Variants in NKX6-1 observed in about 807,000 individuals in gnomAD.
NKX6-1 encodes homeobox protein Nkx-6.1.
A neutral mutation model predicts 24.9 loss-of-function variants in NKX6-1; 11 were observed. The observed-to-expected ratio is 0.44, with a 90% CI of 0.28 to 0.73. NKX6-1 has a LOEUF of 0.73. Ranked by LOEUF, NKX6-1 falls within the 30% of genes least tolerant of loss-of-function variation. The pLI is 0.15. For missense variants in NKX6-1, 487 were observed against 502.9 expected, an observed-to-expected ratio of 0.97 and a Z score of 0.30; for synonymous variants, 277 against 242.9, an observed-to-expected ratio of 1.14 and a Z score of -1.31.
At chr4:84,495,988 G>T in intron 1 of NKX6-1, 144 bp from the exon 2 acceptor site, 1 of 770,966 alleles carries the variant, frequency 1.3e-6, no homozygotes. Context: ...GTGTAGTGGC[G>T]CTTCCAGACT....
In NKX6-1 at chr4:84,495,859, AAAC is replaced by A. The variant is rs776416648; in HGVS notation, c.671-18_671-16del. 6 of 1,613,128 alleles carry A rather than the reference AAAC, an allele frequency of 3.7e-6. No individual in the cohort carries two copies. Among genetic ancestry groups the A allele is most frequent in the African/African-American group, 1.3e-5 (1 of 74,896 alleles). ...GGATCCTTGATCTGTGAGAACCAATAAACAACGAGAGAGGGGGAAAAACAATCG... is the reference window on the plus strand; with the variant it reads ...GGATCCTTGATCTGTGAGAACCAATAAACGAGAGAGGGGGAAAAACAATCG... On this transcript the variant is annotated splice_polypyrimidine_tract_variant and intron_variant, in intron 1 of 2. Coordinates refer to ENST00000295886, the MANE Select transcript of NKX6-1 (RefSeq NM_006168.3).
At position 84,493,566 on chromosome 4, in the gene NKX6-1, G is replaced by A. The variant is rs746272011; in HGVS notation, c.844-17C>T. The A allele has an allele frequency of 1.3e-5, 21 of 1,613,098 alleles. No individual in the cohort carries two copies. The highest frequency in any genetic ancestry group is 1.6e-5 in the Non-Finnish European group (19 of 1,179,394). ...GAACCAGACCTGAGGGCGGAGAAAA[G>A]GGAGGAGAGGGGAGGCAAGGGCGAG... On this transcript the variant is annotated splice_polypyrimidine_tract_variant and intron_variant, in intron 2 of 2. Transcript: ENST00000295886. This position sits in a 1 kb window ranked among gnomAD's most constrained non-coding sequence, Gnocchi z 5.1.
chr4:84,495,828 C>T lies in NKX6-1; in HGVS notation c.687G>A (p.Leu229=). 6.2e-7 allele frequency: 1 copy of T among 1,614,032 alleles called. No homozygotes were observed. Among genetic ancestry groups the T allele is most frequent in the Non-Finnish European group, 8.5e-7 (1 of 1,179,980 alleles). ...GTTTTCTCTTCCCGTCTTTGTCCAA[C>T]AAAATGGATCCTTGATCTGTGAGAA... ...LACTPHQGSI[L]LDKDGKRKHT... Residue 229 remains leucine, a synonymous_variant, in exon 2 of 3, where the codon TTG becomes TTA. Coordinates refer to ENST00000295886, the MANE Select transcript of NKX6-1 (RefSeq NM_006168.3).
chr4:84,495,011 ATTG>A (rs2109986582), intron 2 of NKX6-1, among the ~76,000 whole-genome samples: 1 of 152,350 alleles, frequency 6.6e-6, no homozygotes, highest in African/African-American at 2.4e-5. Flanking sequence ...TTAATTATAA[ATTG>A]TTGTCATGAA....
Position 84,493,091 on chromosome 4 carries a change from C to T in NKX6-1, c.*198G>A, listed in dbSNP as rs991835712. 1.2e-5 allele frequency: 5 copies of T among 431,500 alleles called. No individual in the cohort carries two copies. The highest frequency in any genetic ancestry group is 2.0e-5 in the Non-Finnish European group (5 of 255,752). 26.7% of individuals were successfully genotyped at this position (431,500 alleles called of 1,614,324 possible). On this transcript the variant is annotated 3_prime_UTR_variant, in exon 3 of 3. Coordinates refer to ENST00000295886, the MANE Select transcript of NKX6-1 (RefSeq NM_006168.3). The surrounding 1 kb of genome is among the most constrained non-coding windows in gnomAD (Gnocchi z 5.1). ...GCCTTATCAACCCCGGAGTCTCTCT[C>T]CCCTACATCCCCTCCCACAACTTCA...
Position 84,493,583 on chromosome 4 carries a change from A to G in NKX6-1, c.844-34T>C. ...GGAGAAAAGGGAGGAGAGGGGAGGC[A>G]AGGGCGAGGAATTAAACGAGCAGAT... On this transcript the variant is annotated intron_variant, in intron 2 of 2. Transcript: ENST00000295886. This position sits in a 1 kb window ranked among gnomAD's most constrained non-coding sequence, Gnocchi z 5.1. The G allele has an allele frequency of 1.2e-6, 2 of 1,611,810 alleles. No homozygotes were observed. Among genetic ancestry groups the G allele is most frequent in the Non-Finnish European group, 1.7e-6 (2 of 1,178,528 alleles).
chr4:84,495,645 C>G (rs779378555), intron 2 of NKX6-1, 27 bp downstream of exon 2: 1 of 1,602,422 alleles, frequency 6.2e-7, no homozygotes, highest in Non-Finnish European at 8.5e-7. Flanking sequence ...CGGTACCTAT[C>G]CCTCCAGGTA....
chr4:84,493,076 C>T lies in NKX6-1; in HGVS notation c.*213G>A. 1 of 397,464 alleles carries T rather than the reference C, an allele frequency of 2.5e-6. No individual in the cohort carries two copies. The highest frequency in any genetic ancestry group is 4.1e-5 in the East Asian group (1 of 24,640). 24.6% of individuals were successfully genotyped at this position (397,464 alleles called of 1,614,324 possible). ...TTGGTGGTCTTTCTTGCCTTATCAA[C>T]CCCGGAGTCTCTCTCCCCTACATCC... On this transcript the variant is annotated 3_prime_UTR_variant, in exon 3 of 3. Transcript: ENST00000295886. The surrounding 1 kb of genome is among the most constrained non-coding windows in gnomAD (Gnocchi z 5.1).
At position 84,497,541 on chromosome 4, in the gene NKX6-1, G is replaced by C; in HGVS notation, c.670+18C>G. ...AGGCACGGCAGGCAGGCATCGGGGC[G>C]CGGGTGGTAGTACTCACGAGGGGTA... On this transcript the variant is annotated intron_variant, in intron 1 of 2. Coordinates refer to ENST00000295886, the MANE Select transcript of NKX6-1 (RefSeq NM_006168.3). The surrounding 1 kb of genome is among the most constrained non-coding windows in gnomAD (Gnocchi z 4.8). The C allele has an allele frequency of 8.0e-7, 1 of 1,254,064 alleles. No individual in the cohort carries two copies. The highest frequency in any genetic ancestry group is 3.9e-5 in the South Asian group (1 of 25,416). The allele number at this position is 1,254,064 out of a possible 1,614,324, so 77.7% of individuals were successfully genotyped here.
chr4:84,495,134 G>T (rs1474856710), intron 2 of NKX6-1, among the ~76,000 whole-genome samples: 1 of 152,184 alleles, frequency 6.6e-6, no homozygotes, highest in South Asian at 2.1e-4. Context: ...CAAAGCGATT[G>T]CCTTAAGCTA....
rs886602731 is a variant in NKX6-1, at chr4:84,493,592, G to A, written c.844-43C>T. On this transcript the variant is annotated intron_variant, in intron 2 of 2. Transcript: ENST00000295886. The surrounding 1 kb of genome is among the most constrained non-coding windows in gnomAD (Gnocchi z 5.1). ...GGAGGAGAGGGGAGGCAAGGGCGAG[G>A]AATTAAACGAGCAGATCCAGGCCAT... is the stretch of plus-strand genomic sequence containing the variant. 40 of 1,608,958 alleles carry A rather than the reference G, an allele frequency of 2.5e-5. No homozygotes were observed. Among genetic ancestry groups the A allele is most frequent in the Non-Finnish European group, 3.2e-5 (38 of 1,177,026 alleles).
chr4:84,496,049 G>C (rs1017317390), intron 1 of NKX6-1, among the ~76,000 whole-genome samples: 1 of 152,022 alleles, frequency 6.6e-6, no homozygotes, highest in Non-Finnish European at 1.5e-5. Context: ...TTTAAAAGCC[G>C]CGTGTTTGGC....
rs1720839253 is a variant in NKX6-1 at position 84,497,330 on chromosome 4, C to G, written c.670+229G>C. On this transcript the variant is annotated intron_variant, in intron 1 of 2. Coordinates refer to ENST00000295886, the MANE Select transcript of NKX6-1 (RefSeq NM_006168.3). The surrounding 1 kb of genome is among the most constrained non-coding windows in gnomAD (Gnocchi z 4.8). Reference sequence around the variant, plus strand: ...CACACCGGCTCAGCCCAGGCGTACTCAAGACTTAGAGAGAGGGAGGCGCTT... The same window carrying G: ...CACACCGGCTCAGCCCAGGCGTACTGAAGACTTAGAGAGAGGGAGGCGCTT... Among the ~76,000 whole-genome samples the G allele has an allele frequency of 6.6e-6, 1 of 152,170 alleles. No homozygotes were observed. Among genetic ancestry groups the G allele is most frequent in the Non-Finnish European group, 1.5e-5 (1 of 68,032 alleles).
At chr4:84,495,500 T>G (rs1019412860) in intron 2 of NKX6-1, among the ~76,000 whole-genome samples, 172 bp downstream of exon 2, 1 of 152,240 alleles carries the variant, frequency 6.6e-6, no homozygotes, top group Non-Finnish European at 1.5e-5. Flanking sequence ...AGCGCCTTTG[T>G]AGTCCCCACC....
Position 84,498,098 on chromosome 4 carries a change from G to T in NKX6-1, c.131C>A (p.Pro44His), listed in dbSNP as rs1328630159. Residue 44 changes from proline to histidine, a missense_variant, in exon 1 of 3, where the codon CCT (proline) becomes CAT (histidine). Coordinates refer to ENST00000295886, the MANE Select transcript of NKX6-1 (RefSeq NM_006168.3). The part of the protein sequence containing the change: ...PLYPAAYPPL[P>H]AGPPSSSSSS... Reference sequence around the variant, plus strand: ...GGACGAGGAGGAGGGGGGGCCGGCAGGCAGCGGGGGATACGCGGCAGGGTA... The same window carrying T: ...GGACGAGGAGGAGGGGGGGCCGGCATGCAGCGGGGGATACGCGGCAGGGTA... 2.4e-6 allele frequency: 3 copies of T among 1,267,970 alleles called. No homozygotes were observed. Among genetic ancestry groups the T allele is most frequent in the South Asian group, 3.4e-5 (1 of 29,012 alleles). The allele number at this position is 1,267,970 out of a possible 1,614,324, so 78.5% of individuals were successfully genotyped here.
At position 84,497,495 on chromosome 4, in the gene NKX6-1, C is replaced by T; in HGVS notation, c.670+64G>A. 8.0e-7 allele frequency: 1 copy of T among 1,249,256 alleles called. No individual in the cohort carries two copies. Among genetic ancestry groups the T allele is most frequent in the African/African-American group, 1.5e-5 (1 of 64,560 alleles). The allele number at this position is 1,249,256 out of a possible 1,614,324, so 77.4% of individuals were successfully genotyped here. ...TGAGCGGCATGCACACCAGGGGCCG[C>T]GACCCGGGAGTGGGCAGAACAGGCA... On this transcript the variant is annotated intron_variant, in intron 1 of 2. Transcript: ENST00000295886. The surrounding 1 kb of genome is among the most constrained non-coding windows in gnomAD (Gnocchi z 4.8).
chr4:84,496,615 C>A (rs1578468697), intron 1 of NKX6-1: 3 of 152,392 alleles, frequency 2.0e-5, no homozygotes, highest in Admixed American at 2.0e-4. Flanking sequence ...GAAAAGGACC[C>A]CAGGCTGGGC....
Position 84,497,891 on chromosome 4 carries a change from G to GC in NKX6-1, c.337dup (p.Ala113GlyfsTer52). The stretch of plus-strand genomic sequence containing the variant: ...GGAGGGCGAGGCGGAGGGCAGGGCG[G>GC]CCCCCGAGGCCACGGGCATGGAGGG... On this transcript the variant is annotated frameshift_variant, in exon 1 of 3. Transcript: ENST00000295886. LOFTEE classifies it high-confidence loss of function. The surrounding 1 kb of genome is among the most constrained non-coding windows in gnomAD (Gnocchi z 4.8). 7.8e-7 allele frequency: 1 copy of GC among 1,283,190 alleles called. No individual in the cohort carries two copies. The highest frequency in any genetic ancestry group is 9.8e-7 in the Non-Finnish European group (1 of 1,015,332). The allele number at this position is 1,283,190 out of a possible 1,614,324, so 79.5% of individuals were successfully genotyped here. A position where few individuals can be genotyped will look rare whatever the true frequency, so the allele number is the denominator to read the frequency against.
Position 84,493,188 on chromosome 4 carries a change from G to A in NKX6-1, c.*101C>T. ...CCGCAGGCAGGGCCGGGTCCTCCGGGCCCCGAGGAGCGGGCAGGCGCGGCG... is the reference window on the plus strand; with the variant it reads ...CCGCAGGCAGGGCCGGGTCCTCCGGACCCCGAGGAGCGGGCAGGCGCGGCG... On this transcript the variant is annotated 3_prime_UTR_variant, in exon 3 of 3. Transcript: ENST00000295886. This position sits in a 1 kb window ranked among gnomAD's most constrained non-coding sequence, Gnocchi z 5.1. 8.8e-7 allele frequency: 1 copy of A among 1,142,290 alleles called. No homozygotes were observed. The highest frequency in any genetic ancestry group is 1.1e-6 in the Non-Finnish European group (1 of 876,676). The allele number at this position is 1,142,290 out of a possible 1,614,324, so 70.8% of individuals were successfully genotyped here. A position where few individuals can be genotyped will look rare whatever the true frequency, so the allele number is the denominator to read the frequency against.
Sources: gnomAD v4.1 joint callset for allele counts (sites outside exome capture counted in the v4.1 genomes callset) on GRCh38, gnomAD v4.1.1 for gene constraint, Gnocchi (gnomAD v3.1) non-coding constraint, MANE v1.5 for transcripts, NCBI Gene and HGNC (gene_info 2026-07-23, HGNC 2026-07-21) for gene names.